PIK3C2B: variants seen among roughly 807,000 people sequenced by gnomAD.
The protein encoded by PIK3C2B is phosphatidylinositol-4-phosphate 3-kinase catalytic subunit type 2 beta.
Under a neutral mutation model 184.3 loss-of-function variants are expected in PIK3C2B, and 83 were observed. The ratio of observed to expected loss-of-function variants is 0.45; its 90% CI spans 0.38 to 0.54. The LOEUF (loss-of-function observed/expected upper bound fraction) is 0.54. Ranked by LOEUF, PIK3C2B falls within the 20% of genes least tolerant of loss-of-function variation. PIK3C2B has a pLI of 0.00. For missense variants in PIK3C2B, 1,736 were observed against 2,113.5 expected, an observed-to-expected ratio of 0.82 and a Z score of 3.50; for synonymous variants, 779 against 837.6, an observed-to-expected ratio of 0.93 and a Z score of 1.21.
Position 204,464,476 on chromosome 1 carries a change from T to C in PIK3C2B, c.1163A>G (p.Gln388Arg). Reference sequence around the variant, plus strand: ...GTTGCAGGTGAAAGTGAGTGCCTCTTGAAGCCTGTCACACAACACAGTCAC... The same window carrying C: ...GTTGCAGGTGAAAGTGAGTGCCTCTCGAAGCCTGTCACACAACACAGTCAC... The part of the protein sequence containing the change: ...LKVTVLCDRL[Q>R]EALTFTCNCS... The change falls in exon 4 of 33, where the codon CAA (glutamine) becomes CGA (arginine). Residue 388 changes from glutamine to arginine, a missense_variant. Coordinates refer to ENST00000684373, the MANE Select transcript of PIK3C2B (RefSeq NM_001377334.1). 6.2e-7 allele frequency: 1 copy of C among 1,613,936 alleles called. No individual in the cohort carries two copies. Among genetic ancestry groups the C allele is most frequent in the Non-Finnish European group, 8.5e-7 (1 of 1,179,900 alleles).
chr1:204,427,131 C>T (rs974453467), intron 31 of PIK3C2B, among the ~76,000 whole-genome samples: 3 of 149,476 alleles, frequency 2.0e-5, no homozygotes, highest in African/African-American at 7.4e-5. Context: ...AGCAAAACTC[C>T]ATTTCAAAAA....
chr1:204,449,918 C>T lies in PIK3C2B; in HGVS notation c.2166G>A (p.Glu722=). 1 of 1,613,858 alleles carries T rather than the reference C, an allele frequency of 6.2e-7. No homozygotes were observed. Among genetic ancestry groups the T allele is most frequent in the Non-Finnish European group, 8.5e-7 (1 of 1,179,914 alleles). ...LPIPPPGSSS[E]ANKQRRVPEA... ...CAGGCACCCGCCGCTGCTTATTGGC[C>T]TCTGAGGAGCTCCCCGGTGGGGGGA... Residue 722 remains glutamate (E), a synonymous_variant, in exon 13 of 33, where the codon GAG becomes GAA. Transcript: ENST00000684373.
At chr1:204,432,091 G>T in intron 27 of PIK3C2B, 109 bp downstream of exon 27, 1 of 982,084 alleles carries the variant, frequency 1.0e-6, no homozygotes, top group Non-Finnish European at 1.6e-6. Flanking sequence ...AGCACAGGAC[G>T]CTCGGTCAAC....
chr1:204,446,838 C>T (rs1653916345), intron 15 of PIK3C2B, among the ~76,000 whole-genome samples: 1 of 152,152 alleles, frequency 6.6e-6, no homozygotes, highest in Non-Finnish European at 1.5e-5. Context: ...ACACAACACA[C>T]GCACAGGGCT....
At chr1:204,473,899 T>C (rs1656489710) in intron 1 of PIK3C2B, among the ~76,000 whole-genome samples, 1 of 152,040 alleles carries the variant, frequency 6.6e-6, no homozygotes, top group South Asian at 2.1e-4. Context: ...CTCTTCTCCT[T>C]AACATGGTTT....
intron 1 of PIK3C2B, among the ~76,000 whole-genome samples, chr1:204,470,805 A>C (rs2103518254): frequency 6.6e-6 from 1 of 152,402 alleles, no homozygotes; most frequent in Admixed American, 6.5e-5. Flanking sequence ...GGCAATAAAA[A>C]GGAATGAATT....
In PIK3C2B at chr1:204,452,651, CTT is replaced by C. The variant is rs371699160; in HGVS notation, c.2066+2016_2066+2017del. Among the ~76,000 whole-genome samples the C allele has an allele frequency of 2.3e-3, 212 of 92,358 alleles. 1 individual carries two copies. The highest frequency in any genetic ancestry group is 4.2e-3 in the South Asian group (9 of 2,156). 60.6% of individuals were successfully genotyped at this position (92,358 alleles called of 152,430 possible). A position where few individuals can be genotyped will look rare whatever the true frequency, so the allele number is the denominator to read the frequency against. ...GGACCTTTAATGCACACCCCATGTC[CTT>C]TTTTTTTTTTTTTTTTTTTAAGATA... On this transcript the variant is annotated intron_variant, in intron 12 of 32. Coordinates refer to ENST00000684373, the MANE Select transcript of PIK3C2B (RefSeq NM_001377334.1).
At chr1:204,430,544 C>T (rs1305972444) in intron 28 of PIK3C2B, among the ~76,000 whole-genome samples, 1 of 151,760 alleles carries the variant, frequency 6.6e-6, no homozygotes, top group Admixed American at 6.6e-5. Context: ...GGGGTTTCAC[C>T]ATGTTGGCCA....
At chr1:204,465,133 C>T (rs1655643222) in intron 3 of PIK3C2B, 86 bp downstream of exon 3, 4 of 789,970 alleles carry the variant, frequency 5.1e-6, no homozygotes, top group Non-Finnish European at 9.0e-6. Flanking sequence ...GTGCTTCTTC[C>T]CTCCTAAAGA....
intron 1 of PIK3C2B, chr1:204,489,980 C>G: frequency 2.5e-6 from 1 of 396,984 alleles, no homozygotes; most frequent in Non-Finnish European, 4.4e-6. Context: ...AATGCTTCCA[C>G]TCAAGCTTCT....
chr1:204,425,533 C>T, intron 32 of PIK3C2B, 80 bp downstream of exon 32: 4 of 1,451,042 alleles, frequency 2.8e-6, no homozygotes, highest in Middle Eastern at 1.7e-4. Flanking sequence ...CATCTTAATA[C>T]GTTCTTCAAT....
At chr1:204,467,033 C>T (rs572864093) in intron 2 of PIK3C2B, 6 of 456,406 alleles carry the variant, frequency 1.3e-5, no homozygotes, top group Admixed American at 2.6e-5. Context: ...GGACCAAGGC[C>T]GCATTTCCCC....
intron 1 of PIK3C2B, among the ~76,000 whole-genome samples, chr1:204,479,318 G>A (rs985368710): frequency 4.8e-4 from 64 of 133,716 alleles, no homozygotes; most frequent in Admixed American, 4.8e-3. Flanking sequence ...GGTTCCAAGG[G>A]CATGGTAGTT....
In PIK3C2B at chr1:204,434,623, G is replaced by A; in HGVS notation, c.3517-15C>T. On this transcript the variant is annotated splice_polypyrimidine_tract_variant and intron_variant, in intron 23 of 32. Transcript: ENST00000684373. The stretch of plus-strand genomic sequence containing the variant: ...TTCTCCACAGCCTGGGAGGGGTCAA[G>A]GCAGATGGGAGGAGAGGACATAAAG... The A allele has an allele frequency of 1.9e-6, 3 of 1,602,738 alleles. No individual in the cohort carries two copies. The African/African-American group carries it at 4.0e-5, about 21-fold the overall frequency.
At chr1:204,436,788 G>C (rs1675368594) in intron 23 of PIK3C2B, among the ~76,000 whole-genome samples, 1 of 152,116 alleles carries the variant, frequency 6.6e-6, no homozygotes, top group Non-Finnish European at 1.5e-5. Context: ...ACCTAGTACA[G>C]TGCCTCTGCA....
chr1:204,485,349 G>C (rs1342594748), intron 1 of PIK3C2B, among the ~76,000 whole-genome samples: 1 of 151,908 alleles, frequency 6.6e-6, no homozygotes, highest in Non-Finnish European at 1.5e-5. Context: ...CATATATTGG[G>C]CACCAAAAAA....
At chr1:204,466,806 G>A (rs770256155) in intron 2 of PIK3C2B, 9 of 528,590 alleles carry the variant, frequency 1.7e-5, no homozygotes, top group East Asian at 1.6e-4. Flanking sequence ...GGCATCACCC[G>A]ATGCTGGCTG....
chr1:204,489,505 C>T (rs1657866130), intron 1 of PIK3C2B, among the ~76,000 whole-genome samples: 1 of 151,692 alleles, frequency 6.6e-6, no homozygotes, highest in Non-Finnish European at 1.5e-5. Context: ...AAAAATCTGC[C>T]TCCTTAAAGT....
Position 204,449,279 on chromosome 1 carries a change from C to T in PIK3C2B, c.2252G>A (p.Arg751Gln), listed in dbSNP as rs146180975. Reference protein sequence around the residue: ...FNFRQVLTCGRKLLGLWPATQ... With the variant: ...FNFRQVLTCGQKLLGLWPATQ... ...TGCTGGCCACAAACCCAGAAGCTTC[C>T]GGCCACAGGTCAGGACCCTAAGAAG... The change falls in exon 14 of 33, where the codon CGG becomes CAG. Residue 751 changes from arginine (R) to glutamine (Q), a missense_variant. This residue lies in a region of PIK3C2B where 609 missense variants were observed against 699.2 expected (regional missense o/e 0.87). Coordinates refer to ENST00000684373, the MANE Select transcript of PIK3C2B (RefSeq NM_001377334.1). The T allele has an allele frequency of 5.8e-5, 94 of 1,611,094 alleles. No individual in the cohort carries two copies. Among genetic ancestry groups the T allele is most frequent in the South Asian group, 4.1e-4 (37 of 90,090 alleles).
Sources: allele counts gnomAD v4.1 joint callset (sites outside exome capture counted in the v4.1 genomes callset), GRCh38; gene constraint gnomAD v4.1.1; regional missense constraint gnomAD v4.1.1; transcripts MANE v1.5; gene names NCBI Gene and HGNC (gene_info 2026-07-23, HGNC 2026-07-21).